The following CAMKMT variants were observed in gnomAD, a reference collection of about 807,000 sequenced individuals.
CAMKMT encodes CaM KMT.
CAMKMT carries 53 observed loss-of-function variants against 48.0 expected under a neutral mutation model. That is an observed-to-expected ratio of 1.10 (90% CI 0.89 to 1.39). The LOEUF is 1.39. Among genes scored for constraint, CAMKMT ranks in the 40% most tolerant of loss-of-function variants. CAMKMT has a pLI of 0.00. For synonymous variants in CAMKMT, 165 were observed against 152.3 expected (o/e 1.08, Z -0.61); for missense variants, 428 against 402.7 (o/e 1.06, Z -0.54).
At chr2:44,725,614 G>A (rs114304439) in intron 7 of CAMKMT, among the ~76,000 whole-genome samples, 1,861 of 152,278 alleles carry the variant, frequency 0.012, 14 homozygotes, top group African/African-American at 0.023. Flanking sequence ...TAAAGATAAC[G>A]AAAGGAAAGA....
intron 9 of CAMKMT, among the ~76,000 whole-genome samples, chr2:44,759,746 C>A (rs774565858): frequency 6.6e-6 from 1 of 152,100 alleles, no homozygotes; most frequent in Non-Finnish European, 1.5e-5. Context: ...CTGAGAAGTC[C>A]TTTTCTAATA....
chr2:44,498,854 A>C (rs1669878033), intron 3 of CAMKMT, among the ~76,000 whole-genome samples: 1 of 152,152 alleles, frequency 6.6e-6, no homozygotes, highest in Non-Finnish European at 1.5e-5. Flanking sequence ...GTCTCTTTTG[A>C]CTGTTGGAAA....
chr2:44,674,332 C>T (rs542571911), intron 3 of CAMKMT, among the ~76,000 whole-genome samples: 1 of 152,310 alleles, frequency 6.6e-6, no homozygotes, highest in Admixed American at 6.5e-5. Context: ...TGTATTGTAA[C>T]AATCTGTTAA....
At chr2:44,428,918 A>C (rs1256225914) in intron 3 of CAMKMT, among the ~76,000 whole-genome samples, 1 of 152,148 alleles carries the variant, frequency 6.6e-6, no homozygotes, top group East Asian at 1.9e-4. Flanking sequence ...TGTTGGAGTG[A>C]CCCAGCTAAA....
chr2:44,393,571 A>G (rs977512737), intron 3 of CAMKMT: 1 of 152,188 alleles, frequency 6.6e-6, no homozygotes, highest in Non-Finnish European at 1.5e-5. Flanking sequence ...TTGAGAACCT[A>G]CTTTCTTTTG....
intron 3 of CAMKMT, among the ~76,000 whole-genome samples, chr2:44,670,095 C>T (rs769604934): frequency 1.1e-4 from 17 of 152,048 alleles, no homozygotes; most frequent in Non-Finnish European, 2.2e-4. Context: ...GTAAGAATGT[C>T]TTATATATTC....
At chr2:44,700,776 A>G (rs1379447495) in intron 3 of CAMKMT, among the ~76,000 whole-genome samples, 2 of 152,244 alleles carry the variant, frequency 1.3e-5, no homozygotes, top group Non-Finnish European at 1.5e-5. Context: ...AAAATCTGTC[A>G]CAGAGACACT....
chr2:44,601,570 A>T (rs1476215649), intron 3 of CAMKMT, among the ~76,000 whole-genome samples: 2 of 151,996 alleles, frequency 1.3e-5, no homozygotes, highest in African/African-American at 4.8e-5. Flanking sequence ...TGGAGATACT[A>T]TGTTTCTGGT....
chr2:44,565,385 A>G (rs750692079), intron 3 of CAMKMT, among the ~76,000 whole-genome samples: 25 of 152,206 alleles, frequency 1.6e-4, no homozygotes, highest in Non-Finnish European at 2.6e-4. Context: ...GAACTTGGTA[A>G]AGTCACTTGA....
intron 3 of CAMKMT, among the ~76,000 whole-genome samples, chr2:44,412,477 A>G (rs181099131): frequency 2.8e-3 from 431 of 152,216 alleles, no homozygotes; most frequent in South Asian, 7.5e-3. Flanking sequence ...CTGGGATTAC[A>G]GGTGCCTGCC....
chr2:44,516,870 T>C (rs1281953336), intron 3 of CAMKMT, among the ~76,000 whole-genome samples: 2 of 151,514 alleles, frequency 1.3e-5, no homozygotes, highest in South Asian at 2.1e-4. Flanking sequence ...GCCTCCCGAG[T>C]AGCAGGGATT....
chr2:44,629,186 A>C (rs1426371826), intron 3 of CAMKMT, among the ~76,000 whole-genome samples: 3 of 152,010 alleles, frequency 2.0e-5, no homozygotes, highest in Non-Finnish European at 4.4e-5. Context: ...TGCTTCATGT[A>C]TTTTGAAGCT....
At chr2:44,740,253 G>A (rs77854878) in intron 7 of CAMKMT, among the ~76,000 whole-genome samples, 3,474 of 151,024 alleles carry the variant, frequency 0.023, 107 homozygotes, top group African/African-American at 0.08. Context: ...CTTAGCCTCC[G>A]GAGTGGCTGA....
At chr2:44,660,840 T>A (rs1386780046) in intron 3 of CAMKMT, among the ~76,000 whole-genome samples, 1 of 152,048 alleles carries the variant, frequency 6.6e-6, no homozygotes, top group Non-Finnish European at 1.5e-5. Flanking sequence ...AACTCCTGGG[T>A]TCAAGTGATC....
At chr2:44,372,290 C>G (rs1397099554) in intron 1 of CAMKMT, among the ~76,000 whole-genome samples, 2 of 151,956 alleles carry the variant, frequency 1.3e-5, no homozygotes, top group Admixed American at 1.3e-4. Flanking sequence ...TTGAATCCAG[C>G]CTGGGTAATA....
chr2:44,434,678 G>A (rs1067360), intron 3 of CAMKMT, among the ~76,000 whole-genome samples: 92,882 of 151,954 alleles, frequency 0.61, 28,975 homozygotes, highest in South Asian at 0.73. Flanking sequence ...GTGTGTGTGT[G>A]TATGTGTCTG....
intron 3 of CAMKMT, among the ~76,000 whole-genome samples, chr2:44,625,218 G>A (rs1202928278): frequency 3.3e-5 from 5 of 152,096 alleles, no homozygotes; most frequent in African/African-American, 1.2e-4. Flanking sequence ...ATCTTATTGT[G>A]ATTTCAATTT....
intron 3 of CAMKMT, among the ~76,000 whole-genome samples, chr2:44,609,869 T>C (rs1671503537): frequency 6.6e-6 from 1 of 152,148 alleles, no homozygotes; most frequent in Non-Finnish European, 1.5e-5. Flanking sequence ...ACTGATGGAA[T>C]TACAAAACAT....
chr2:44,382,725 C>G (rs546000090), intron 2 of CAMKMT, among the ~76,000 whole-genome samples: 1 of 151,916 alleles, frequency 6.6e-6, no homozygotes, highest in South Asian at 2.1e-4. Context: ...GTGATCCACC[C>G]GCCTTGGCCT....
Sources: gnomAD v4.1 joint callset for allele counts (sites outside exome capture counted in the v4.1 genomes callset) on GRCh38, gnomAD v4.1.1 for gene constraint, MANE v1.5 for transcripts, NCBI Gene and HGNC (gene_info 2026-07-23, HGNC 2026-07-21) for gene names.